Variants in DYRK1B observed in about 807,000 individuals in gnomAD.
DYRK1B encodes the protein dual specificity tyrosine phosphorylation regulated kinase 1B, also known as dual specificity tyrosine-phosphorylation-regulated kinase 1B.
DYRK1B carries 20 observed loss-of-function variants against 57.1 expected under a neutral mutation model. The ratio of observed to expected loss-of-function variants is 0.35; its 90% confidence interval spans 0.25 to 0.51. The LOEUF (loss-of-function observed/expected upper bound fraction) is 0.51, where lower values mean the gene tolerates loss of function less well. Ranked by LOEUF, DYRK1B falls within the 20% of genes least tolerant of loss-of-function variation. The pLI is 0.96. For synonymous variants in DYRK1B, 409 were observed against 384.7 expected, an observed-to-expected ratio of 1.06 and a Z score of -0.74; for missense variants, 732 against 886.3, an observed-to-expected ratio of 0.83 and a Z score of 2.21.
At chr19:39,832,140 G>GC (rs34052084) in intron 1 of DYRK1B, among the ~76,000 whole-genome samples, 172 bp from the exon 2 acceptor site, 13,504 of 151,902 alleles carry the variant, frequency 0.089, 683 homozygotes, top group Middle Eastern at 0.18. Flanking sequence ...TAGCCAGGTG[G>GC]GGGGGGATGG....
chr19:39,827,027 C>A, intron 8 of DYRK1B, 40 bp from the exon 9 acceptor site: 3 of 1,368,760 alleles, frequency 2.2e-6, no homozygotes, highest in Non-Finnish European at 2.9e-6. Flanking sequence ...AGAGAGTGGC[C>A]GTCAGTGGGC....
intron 1 of DYRK1B, chr19:39,833,120 A>G: frequency 5.1e-6 from 5 of 984,792 alleles, no homozygotes; most frequent in Non-Finnish European, 6.0e-6. Flanking sequence ...CCCATGGGCC[A>G]CTCTCTCCCC....
chr19:39,828,092 G>A lies in DYRK1B; in HGVS notation c.807+205C>T, dbSNP rs1968624437. On this transcript the variant is annotated intron_variant, in intron 6 of 10. Coordinates refer to ENST00000323039, the MANE Select transcript of DYRK1B (RefSeq NM_004714.3). The surrounding 1 kb of genome is among the most constrained non-coding windows in gnomAD (Gnocchi z 4.3). The stretch of plus-strand genomic sequence containing the variant: ...CCCAACTTCACCCTGTTCACATCTG[G>A]CAGCTTCAAAATGGGCCCTGCCCCT... 6.6e-6 allele frequency among the ~76,000 whole-genome samples: 1 copy of A among 152,234 alleles called. No homozygotes were observed. Among genetic ancestry groups the A allele is most frequent in the East Asian group, 1.9e-4 (1 of 5,188 alleles).
In DYRK1B at chr19:39,825,770, A is replaced by G. The variant is rs1968497152; in HGVS notation, c.1835T>C (p.Leu612Pro). The G allele has an allele frequency of 2.5e-6, 4 of 1,573,644 alleles. No individual in the cohort carries two copies. Among genetic ancestry groups the G allele is most frequent in the Non-Finnish European group, 2.6e-6 (3 of 1,160,480 alleles). The change falls in exon 11 of 11, where the codon CTG becomes CCG. Residue 612 changes from leucine (L) to proline (P), a missense_variant. By Grantham distance (98) the Leu-to-Pro change is moderately conservative (BLOSUM62 -3). Around this residue, in one of 2 missense-constraint regions of DYRK1B, gnomAD observed 222 missense variants for 205.0 expected, o/e 1.08. Transcript: ENST00000323039. ...PLPPPDDPAT[L>P]GPHLGLRGVP... The stretch of plus-strand genomic sequence containing the variant: ...ACCACGGAGGCCCAGGTGAGGCCCC[A>G]GAGTGGCAGGGTCATCAGGAGGCGG...
chr19:39,831,723 A>G, intron 2 of DYRK1B, 82 bp downstream of exon 2: 2 of 1,518,590 alleles, frequency 1.3e-6, no homozygotes, highest in East Asian at 2.5e-5. Flanking sequence ...TTGGGCAACC[A>G]CACTACCTTT....
At position 39,834,051 on chromosome 19, in the gene DYRK1B, T is replaced by G. The variant is rs1312903210; in HGVS notation, c.-130A>C. Reference sequence around the variant, plus strand: ...AAGGAGCGGGCAAGGGGACTCAAACTGCTCGGGGAGCCCGAGCTCAGACCT... The same window carrying G: ...AAGGAGCGGGCAAGGGGACTCAAACGGCTCGGGGAGCCCGAGCTCAGACCT... On this transcript the variant is annotated 5_prime_UTR_variant, in exon 1 of 11. Coordinates refer to ENST00000323039, the MANE Select transcript of DYRK1B (RefSeq NM_004714.3). The G allele has an allele frequency of 6.1e-6, 1 of 164,702 alleles. No homozygotes were observed. Among genetic ancestry groups the G allele is most frequent in the East Asian group, 1.8e-4 (1 of 5,670 alleles). The allele number at this position is 164,702 out of a possible 1,614,324, so 10.2% of individuals were successfully genotyped here.
intron 6 of DYRK1B, 124 bp from the exon 7 acceptor site, chr19:39,827,780 A>C: frequency 2.5e-6 from 3 of 1,214,500 alleles, no homozygotes; most frequent in Non-Finnish European, 3.4e-6. Flanking sequence ...GAGGCTCCAA[A>C]TCCTGCCATT....
Position 39,826,943 on chromosome 19 carries a change from G to A in DYRK1B, c.1140C>T (p.Gly380=), listed in dbSNP as rs1249265865. ...PGTRRLQEVL[G]VQTGGPGGRR... ...GGCCCCCGGGCCCGCCCGTCTGCAC[G>A]CCCAGCACCTCCTGCAGCCGCCGTG... Residue 380 remains glycine, a synonymous_variant, in exon 9 of 11, where the codon GGC becomes GGT. Coordinates refer to ENST00000323039, the MANE Select transcript of DYRK1B (RefSeq NM_004714.3). This position sits in a 1 kb window ranked among gnomAD's most constrained non-coding sequence, Gnocchi z 6.3. 1.3e-5 allele frequency: 15 copies of A among 1,194,314 alleles called. No homozygotes were observed. Among genetic ancestry groups the A allele is most frequent in the African/African-American group, 1.9e-5 (1 of 53,548 alleles). The allele number at this position is 1,194,314 out of a possible 1,614,324, so 74.0% of individuals were successfully genotyped here.
At chr19:39,832,009 G>GAT in intron 1 of DYRK1B, 41 bp from the exon 2 acceptor site, 1 of 1,407,106 alleles carries the variant, frequency 7.1e-7, no homozygotes, top group Non-Finnish European at 9.2e-7. Flanking sequence ...ATGGAACAAG[G>GAT]GGATATGTGA....
chr19:39,830,886 G>A (rs777912302), intron 2 of DYRK1B, 103 bp from the exon 3 acceptor site: 1 of 1,346,368 alleles, frequency 7.4e-7, no homozygotes, highest in Non-Finnish European at 1.0e-6. Context: ...TTTGGTTGCT[G>A]TCTGTATTTG....
chr19:39,827,105 A>C, intron 8 of DYRK1B, 118 bp from the exon 9 acceptor site: 2 of 1,177,484 alleles, frequency 1.7e-6, no homozygotes, highest in Non-Finnish European at 1.2e-6. Context: ...AAAAGCTAAG[A>C]AGAGTTGTGG....
intron 2 of DYRK1B, 46 bp downstream of exon 2, chr19:39,831,759 G>A: frequency 6.5e-7 from 1 of 1,548,628 alleles, no homozygotes; most frequent in Non-Finnish European, 8.7e-7. Flanking sequence ...TCTATCCCCA[G>A]CCTCCCCCTA....
chr19:39,833,095 A>G, intron 1 of DYRK1B: 5 of 985,388 alleles, frequency 5.1e-6, no homozygotes, highest in Admixed American at 6.1e-5. Flanking sequence ...TGTCAGCTAC[A>G]GCAAAAATCT....
chr19:39,833,305 G>A, intron 1 of DYRK1B: 2 of 985,436 alleles, frequency 2.0e-6, no homozygotes, highest in Non-Finnish European at 2.4e-6. Context: ...GGGGGCTGGG[G>A]CGCGGTGGGG....
intron 8 of DYRK1B, 26 bp from the exon 9 acceptor site, chr19:39,827,013 G>C: frequency 2.1e-6 from 1 of 486,308 alleles, no homozygotes; most frequent in Non-Finnish European, 3.5e-6. Flanking sequence ...TGGGAGGGGG[G>C]GCAAGAGAGT....
Position 39,828,352 on chromosome 19 carries a change from T to A in DYRK1B, c.752A>T (p.Lys251Met). 6.2e-7 allele frequency: 1 copy of A among 1,614,206 alleles called. No homozygotes were observed. The highest frequency in any genetic ancestry group is 1.1e-5 in the South Asian group (1 of 91,086). The change falls in exon 6 of 11, where the codon AAG (lysine) becomes ATG (methionine). Residue 251 changes from lysine (K) to methionine (M), a missense_variant. Physicochemically the swap from Lys to Met is moderately conservative, Grantham distance 95. Coordinates refer to ENST00000323039, the MANE Select transcript of DYRK1B (RefSeq NM_004714.3). This position sits in a 1 kb window ranked among gnomAD's most constrained non-coding sequence, Gnocchi z 4.3. ...GTCCACAATCTTGATGGCGCTGCGC[T>A]TGGGGTTGCACAGCAAGATGTTTTC... The part of the protein sequence containing the change: ...KPENILLCNP[K>M]RSAIKIVDFG...
chr19:39,830,111 C>T, intron 4 of DYRK1B, 84 bp from the exon 5 acceptor site: 2 of 1,535,906 alleles, frequency 1.3e-6, no homozygotes, highest in South Asian at 1.2e-5. Flanking sequence ...GGCAAGGAGA[C>T]CCACCAAGAA....
rs765553139 is a variant in DYRK1B at position 39,827,668 on chromosome 19, G to A, written c.808-12C>T. 2 of 1,610,846 alleles carry A rather than the reference G, an allele frequency of 1.2e-6. No individual in the cohort carries two copies. The highest frequency in any genetic ancestry group is 1.1e-5 in the South Asian group (1 of 91,020). On this transcript the variant is annotated splice_polypyrimidine_tract_variant and intron_variant, in intron 6 of 10. Coordinates refer to ENST00000323039, the MANE Select transcript of DYRK1B (RefSeq NM_004714.3). ...ATATACTGGTAGATCTGGGAAAAGG[G>A]TAATCGTCAAGGGACCCAGCCTCCC...
At chr19:39,827,014 G>GGGGGGGGGGGC in intron 8 of DYRK1B, 27 bp from the exon 9 acceptor site, 16 of 419,542 alleles carry the variant, frequency 3.8e-5, no homozygotes, top group Non-Finnish European at 6.0e-5. Context: ...GGGAGGGGGG[G>GGGGGGGGGGGC]CAAGAGAGTG....
Sources: gnomAD v4.1 joint callset for allele counts (sites outside exome capture counted in the v4.1 genomes callset) on GRCh38, gnomAD v4.1.1 for gene constraint, gnomAD v4.1.1 regional missense constraint, Gnocchi (gnomAD v3.1) non-coding constraint, MANE v1.5 for transcripts, NCBI Gene and HGNC (gene_info 2026-07-23, HGNC 2026-07-21) for gene names.